Variants in SCHIP1 observed in about 807,000 individuals in gnomAD.
The protein encoded by SCHIP1 is schwannomin-interacting protein 1.
In SCHIP1, 8 loss-of-function variants were observed where a neutral mutation model predicts 29.7. That is an observed-to-expected ratio of 0.27 (90% CI 0.16 to 0.49). SCHIP1 has a LOEUF of 0.49. Among genes scored for constraint, SCHIP1 ranks in the 20% least tolerant of loss-of-function variants. The probability of loss-of-function intolerance (pLI) is 0.99; values close to 1 mark genes in which losing one functional copy is unlikely to be tolerated. For missense variants in SCHIP1, 193 were observed against 294.6 expected (o/e 0.66, Z 2.52); for synonymous variants, 76 against 94.9 (o/e 0.80, Z 1.16).
At chr3:159,552,461 GT>G in the SCHIP1 span, among the ~76,000 whole-genome samples, 1 of 152,100 alleles carries the variant, frequency 6.6e-6, no homozygotes, top group South Asian at 2.1e-4. Context: ...AAAAAAAATA[GT>G]TTTTAAGTTT....
chr3:159,357,652 A>G, the SCHIP1 span, among the ~76,000 whole-genome samples: 1 of 152,180 alleles, frequency 6.6e-6, no homozygotes, highest in Non-Finnish European at 1.5e-5. Context: ...GAGTCACCAT[A>G]TTTACTTCAT....
the SCHIP1 span, chr3:159,763,573 C>T: frequency 6.5e-6 from 1 of 153,124 alleles, no homozygotes; most frequent in South Asian, 2.1e-4. Context: ...CAGCCTGCCT[C>T]CTGCTCCAGC....
chr3:159,492,698 C>A, the SCHIP1 span, among the ~76,000 whole-genome samples: 37,924 of 152,080 alleles, frequency 0.25, 5,432 homozygotes, highest in African/African-American at 0.39. Context: ...TCCAGGAGAA[C>A]TTCCCCAACC....
chr3:159,731,097 G>A, the SCHIP1 span, among the ~76,000 whole-genome samples: 21 of 152,332 alleles, frequency 1.4e-4, no homozygotes, highest in Non-Finnish European at 4.4e-5. Flanking sequence ...CTGTGATTCA[G>A]ACACTGGATA....
At chr3:159,404,707 A>T in the SCHIP1 span, among the ~76,000 whole-genome samples, 2 of 152,190 alleles carry the variant, frequency 1.3e-5, no homozygotes, top group Admixed American at 6.5e-5. Context: ...GACTAGCAGG[A>T]TCTCACCTCT....
the SCHIP1 span, among the ~76,000 whole-genome samples, chr3:159,432,676 A>G: frequency 6.6e-6 from 1 of 152,208 alleles, no homozygotes; most frequent in Non-Finnish European, 1.5e-5. Context: ...TAGGTGTGAA[A>G]TAATGAAGTG....
the SCHIP1 span, among the ~76,000 whole-genome samples, chr3:159,384,438 C>T: frequency 6.7e-6 from 1 of 148,878 alleles, no homozygotes; most frequent in Admixed American, 6.8e-5. Flanking sequence ...TTGAACCAGC[C>T]TTGCATCCCA....
intron 2 of SCHIP1, among the ~76,000 whole-genome samples, chr3:159,870,158 G>A (rs1042364518): frequency 1.3e-5 from 2 of 151,906 alleles, no homozygotes; most frequent in Admixed American, 1.3e-4. Flanking sequence ...TTTAAAGAAT[G>A]ATATCATCTA....
chr3:159,706,780 T>A, the SCHIP1 span, among the ~76,000 whole-genome samples: 27 of 152,248 alleles, frequency 1.8e-4, no homozygotes, highest in African/African-American at 6.3e-4. Context: ...GTGTTCAAGA[T>A]CAGTTAGTTG....
chr3:159,393,213 G>C, the SCHIP1 span, among the ~76,000 whole-genome samples: 2 of 151,962 alleles, frequency 1.3e-5, no homozygotes, highest in African/African-American at 4.8e-5. Context: ...CTGGATATTA[G>C]CCCTTTGTCA....
the SCHIP1 span, among the ~76,000 whole-genome samples, chr3:159,568,445 A>G: frequency 1.3e-5 from 2 of 152,058 alleles, no homozygotes; most frequent in Non-Finnish European, 2.9e-5. Flanking sequence ...AACTTAATAA[A>G]ATTCTTTCTA....
chr3:159,710,453 G>C, the SCHIP1 span, among the ~76,000 whole-genome samples: 3 of 151,914 alleles, frequency 2.0e-5, no homozygotes, highest in Admixed American at 1.3e-4. Flanking sequence ...TTAGATGGAG[G>C]GACAAGTTCT....
the SCHIP1 span, chr3:159,401,290 AG>A: frequency 2.3e-6 from 2 of 882,520 alleles, no homozygotes; most frequent in Admixed American, 6.2e-5. Flanking sequence ...TTTAGTGGTG[AG>A]GGGATGTGCA....
chr3:159,835,368 G>A (rs751650350), upstream of SCHIP1, among the ~76,000 whole-genome samples: 6 of 152,170 alleles, frequency 3.9e-5, no homozygotes, highest in Middle Eastern at 3.2e-3. Context: ...GGCATAAGCC[G>A]TGTGAGTTAA....
chr3:159,877,702 A>G (rs1395645112), intron 2 of SCHIP1, among the ~76,000 whole-genome samples: 11 of 152,144 alleles, frequency 7.2e-5, no homozygotes, highest in Admixed American at 3.9e-4. Context: ...CCGCATGAAC[A>G]TTTTCAAAGG....
chr3:159,352,165 C>T, the SCHIP1 span, among the ~76,000 whole-genome samples: 15 of 152,152 alleles, frequency 9.9e-5, no homozygotes, highest in Admixed American at 7.9e-4. Flanking sequence ...GCAGGCATCA[C>T]GATGATCACA....
At chr3:159,853,529 G>T in intron 1 of SCHIP1, 1 of 609,466 alleles carries the variant, frequency 1.6e-6, no homozygotes, top group African/African-American at 1.9e-5. Flanking sequence ...TCACCCTTGA[G>T]GAGTGGCCAA....
the SCHIP1 span, among the ~76,000 whole-genome samples, chr3:159,656,755 G>C: frequency 1.3e-5 from 2 of 152,170 alleles, no homozygotes; most frequent in African/African-American, 4.8e-5. Flanking sequence ...AGTTTCAGCA[G>C]CTCATTCAGG....
At chr3:159,633,048 G>T in the SCHIP1 span, among the ~76,000 whole-genome samples, 1 of 152,222 alleles carries the variant, frequency 6.6e-6, no homozygotes, top group East Asian at 1.9e-4. Context: ...AAAACTTATG[G>T]CCACACCCTT....
Sources: allele counts gnomAD v4.1 joint callset (sites outside exome capture counted in the v4.1 genomes callset), GRCh38; gene constraint gnomAD v4.1.1; transcripts MANE v1.5; gene names NCBI Gene and HGNC (gene_info 2026-07-23, HGNC 2026-07-21).